Variants in SEL1L3 observed in about 807,000 individuals in gnomAD.
SEL1L3 encodes the protein SEL1L family member 3, also known as protein sel-1 homolog 3.
In SEL1L3, 76 loss-of-function variants were observed where a neutral mutation model predicts 142.8. The ratio of observed to expected loss-of-function variants is 0.53; its 90% CI spans 0.44 to 0.64. The LOEUF (loss-of-function observed/expected upper bound fraction) is 0.64. Ranked by LOEUF, SEL1L3 falls within the 30% of genes least tolerant of loss-of-function variation. SEL1L3 has a pLI of 0.00. For synonymous variants in SEL1L3, 504 were observed against 519.6 expected (o/e 0.97, Z 0.41); for missense variants, 1,262 against 1,381.7 (o/e 0.91, Z 1.37).
At chr4:25,716,067 T>A in the SEL1L3 span, among the ~76,000 whole-genome samples, 1 of 152,084 alleles carries the variant, frequency 6.6e-6, no homozygotes, top group Admixed American at 6.6e-5. Context: ...GAAGTTAAAA[T>A]TTTTGATATA....
chr4:25,806,126 C>A (rs1713548634), intron 9 of SEL1L3, among the ~76,000 whole-genome samples: 1 of 150,962 alleles, frequency 6.6e-6, no homozygotes. Flanking sequence ...GCAAGCTCCG[C>A]CTCCTGGGTT....
chr4:25,786,405 C>G (rs914304307), intron 13 of SEL1L3, among the ~76,000 whole-genome samples: 1 of 152,120 alleles, frequency 6.6e-6, no homozygotes, highest in African/African-American at 2.4e-5. Flanking sequence ...GCAGAACCCC[C>G]CTCTCTGCAA....
At chr4:25,819,520 C>T (rs571931480) in intron 8 of SEL1L3, among the ~76,000 whole-genome samples, 10 of 152,312 alleles carry the variant, frequency 6.6e-5, no homozygotes, top group South Asian at 6.2e-4. Context: ...TAACGCCATG[C>T]GAAGGCACAA....
chr4:25,847,829 C>T lies in SEL1L3; in HGVS notation c.198G>A (p.Leu66=), dbSNP rs1716636282. The change falls in exon 2 of 24, where the codon CTG becomes CTA. Residue 66 remains leucine, a synonymous_variant. Transcript: ENST00000399878. ...CAGCTTTGGGTATCACTGATGTCGT[C>T]AGGGAAGTCTGCCTACCCAAAGATG... The part of the protein sequence containing the change: ...VVPSLGRQTS[L]TTSVIPKAEQ... The T allele has an allele frequency of 6.3e-7, 1 of 1,589,016 alleles. No homozygotes were observed. Among genetic ancestry groups the T allele is most frequent in the African/African-American group, 1.4e-5 (1 of 73,562 alleles).
rs903900992 is a variant in SEL1L3, at chr4:25,835,246, G to A, written c.811C>T (p.Arg271Trp). The change falls in exon 3 of 24, where the codon CGG (arginine) becomes TGG (tryptophan). Residue 271 changes from arginine to tryptophan, a missense_variant. Around this residue, in one of 3 missense-constraint regions of SEL1L3, gnomAD observed 689 missense variants for 692.8 expected, o/e 0.99. Transcript: ENST00000399878. ...TGIVKKFPRF[R>W]NRELEATRRQ... ...CGAGTGGCCTCCAGCTCTCGGTTCC[G>A]AAACCTCGGGAACTTCTTGACAATG... 12 of 1,613,940 alleles carry A rather than the reference G, an allele frequency of 7.4e-6. No individual in the cohort carries two copies. The highest frequency in any genetic ancestry group is 1.7e-5 in the Admixed American group (1 of 60,018).
chr4:25,776,274 T>C lies in SEL1L3; in HGVS notation c.2669+3A>G, dbSNP rs1280988571. The C allele has an allele frequency of 6.2e-7, 1 of 1,606,912 alleles. No individual in the cohort carries two copies. The stretch of plus-strand genomic sequence containing the variant: ...TTTGCTCTAACGTGGATCCCAAGCT[T>C]ACCATGAACCTTCCAGGTAGGCATT... On this transcript the variant is annotated splice_donor_region_variant and intron_variant, in intron 17 of 23. Coordinates refer to ENST00000399878, the MANE Select transcript of SEL1L3 (RefSeq NM_015187.5).
At chr4:25,728,455 T>G in the SEL1L3 span, among the ~76,000 whole-genome samples, 1 of 152,108 alleles carries the variant, frequency 6.6e-6, no homozygotes, top group East Asian at 1.9e-4. Flanking sequence ...TGTCTCCCAC[T>G]GTTCCCTGAA....
chr4:25,756,348 C>T lies in SEL1L3; in HGVS notation c.3259+1186G>A, dbSNP rs1717958248. 3.0e-6 allele frequency: 3 copies of T among 985,248 alleles called. No homozygotes were observed. The African/African-American group carries it at 5.2e-5, about 17-fold the overall frequency. The allele number at this position is 985,248 out of a possible 1,614,324, so 61.0% of individuals were successfully genotyped here. ...CACAAATGACACGACTGGGGCCTTC[C>T]TCTTACTCAGCTTATGGTCTAATAG... On this transcript the variant is annotated intron_variant, in intron 23 of 23. Transcript: ENST00000399878.
intron 1 of SEL1L3, among the ~76,000 whole-genome samples, chr4:25,854,677 G>C (rs772394604): frequency 2.6e-5 from 4 of 152,200 alleles, no homozygotes; most frequent in African/African-American, 4.8e-5. Context: ...GGGGTGAATA[G>C]CTCAACTGGG....
chr4:25,770,739 C>CAAAAAAAA (rs57317400), intron 17 of SEL1L3, among the ~76,000 whole-genome samples: 12 of 97,348 alleles, frequency 1.2e-4, no homozygotes, highest in African/African-American at 1.5e-4. Flanking sequence ...GACTCTGTCT[C>CAAAAAAAA]AAAAAAAAAA....
At chr4:25,720,712 C>T in the SEL1L3 span, 4 of 152,118 alleles carry the variant, frequency 2.6e-5, no homozygotes, top group Admixed American at 6.6e-5. Context: ...AATGTTGAGC[C>T]GTAGAGCCCA....
At chr4:25,763,829 C>A (rs1425499370) in intron 20 of SEL1L3, among the ~76,000 whole-genome samples, 2 of 152,140 alleles carry the variant, frequency 1.3e-5, no homozygotes, top group Admixed American at 6.5e-5. Context: ...CAGAGTGAAA[C>A]CCTGTCTCAA....
rs150625138 is a variant in SEL1L3, at chr4:25,751,378, T to A, written c.3260-2814A>T. Among the ~76,000 whole-genome samples, 846 of 152,216 alleles carry A rather than the reference T, an allele frequency of 5.6e-3. 4 individuals are homozygous for A. The highest frequency in any genetic ancestry group is 0.013 in the Admixed American group (191 of 15,272). On this transcript the variant is annotated intron_variant, in intron 23 of 23. Coordinates refer to ENST00000399878, the MANE Select transcript of SEL1L3 (RefSeq NM_015187.5). ...TGGGAGAAGAAGGGCTAATGACGCT[T>A]GGCTTTGGCAAAGATGACGGAGTTC... is the stretch of plus-strand genomic sequence containing the variant.
At chr4:25,855,601 CA>C (rs892164809) in intron 1 of SEL1L3, among the ~76,000 whole-genome samples, 15 of 151,176 alleles carry the variant, frequency 9.9e-5, no homozygotes, top group African/African-American at 3.2e-4. Flanking sequence ...GCTAAAAATA[CA>C]AAAAAAAAGT....
the SEL1L3 span, among the ~76,000 whole-genome samples, chr4:25,732,794 G>C: frequency 6.6e-6 from 1 of 152,052 alleles, no homozygotes; most frequent in Non-Finnish European, 1.5e-5. Context: ...CTGGGGTGCA[G>C]TGGTGCCACC....
At chr4:25,733,747 A>G in the SEL1L3 span, among the ~76,000 whole-genome samples, 151,011 of 152,158 alleles carry the variant, frequency 0.99, 74,938 homozygotes, top group East Asian at 1. Flanking sequence ...TCCTGACCCC[A>G]TGATTTCCCT....
intron 19 of SEL1L3, among the ~76,000 whole-genome samples, chr4:25,766,724 A>C (rs1718764848): frequency 1.3e-5 from 2 of 152,172 alleles, no homozygotes; most frequent in South Asian, 4.1e-4. Context: ...CAGGGGCTGG[A>C]ACCATGGAAA....
At chr4:25,835,175 C>T (rs201750744) in intron 3 of SEL1L3, 22 bp downstream of exon 3, 3 of 1,613,570 alleles carry the variant, frequency 1.9e-6, no homozygotes, top group East Asian at 2.2e-5. Context: ...CCGATCAGCT[C>T]CCTTCTGCTA....
chr4:25,783,361 C>T (rs1185157711), intron 14 of SEL1L3, among the ~76,000 whole-genome samples: 3 of 152,214 alleles, frequency 2.0e-5, no homozygotes, highest in Non-Finnish European at 4.4e-5. Context: ...CATGCTACAA[C>T]TTCCTGCTGT....
Sources: allele counts gnomAD v4.1 joint callset (sites outside exome capture counted in the v4.1 genomes callset), GRCh38; gene constraint gnomAD v4.1.1; regional missense constraint gnomAD v4.1.1; transcripts MANE v1.5; gene names NCBI Gene and HGNC (gene_info 2026-07-23, HGNC 2026-07-21).